TM2D1: variants seen among roughly 807,000 people sequenced by gnomAD.
The protein encoded by TM2D1 is TM2 domain-containing protein 1.
TM2D1 carries 15 observed loss-of-function variants against 28.4 expected under a neutral mutation model. That is an observed-to-expected ratio of 0.53 (90% CI 0.35 to 0.81). The LOEUF (loss-of-function observed/expected upper bound fraction) is 0.81. Among genes scored for constraint, TM2D1 ranks in the 40% least tolerant of loss-of-function variants. The pLI, the probability that TM2D1 is intolerant of heterozygous loss-of-function variation, is 0.01. For synonymous variants in TM2D1, 93 were observed against 96.2 expected (o/e 0.97, Z 0.20); for missense variants, 236 against 254.9 (o/e 0.93, Z 0.50).
At chr1:61,696,834 G>C (rs891641251) in intron 4 of TM2D1, among the ~76,000 whole-genome samples, 1 of 151,994 alleles carries the variant, frequency 6.6e-6, no homozygotes, top group African/African-American at 2.4e-5. Flanking sequence ...ATGTTGCCCA[G>C]GCTAGTCTTG....
Position 61,716,435 on chromosome 1 carries a change from G to A in TM2D1, c.239-6998C>T, listed in dbSNP as rs1269960296. Among the ~76,000 whole-genome samples, 34 of 136,326 alleles carry A rather than the reference G, an allele frequency of 2.5e-4. 1 individual carries two copies. The East Asian group carries it at 6.4e-3, about 26-fold the overall frequency. The allele number at this position is 136,326 out of a possible 152,430, so 89.4% of individuals were successfully genotyped here. On this transcript the variant is annotated intron_variant, in intron 2 of 6. Transcript: ENST00000606498. Reference sequence around the variant, plus strand: ...TATATGTATATAATTATATATAAGTGTATAATTATATATAATTTTATATAC... The same window carrying A: ...TATATGTATATAATTATATATAAGTATATAATTATATATAATTTTATATAC...
intron 5 of TM2D1, among the ~76,000 whole-genome samples, chr1:61,690,456 CAAAAAAAAAAAA>C (rs762550068): frequency 6.7e-5 from 4 of 60,048 alleles, no homozygotes; most frequent in Non-Finnish European, 1.2e-4. Flanking sequence ...GACTCAGTCT[CAAAAAAAAAAAA>C]AAAAAAAAAA....
chr1:61,716,304 G>C (rs891477865), intron 2 of TM2D1, among the ~76,000 whole-genome samples: 1 of 149,770 alleles, frequency 6.7e-6, no homozygotes, highest in African/African-American at 2.4e-5. Flanking sequence ...GGGCGACAGA[G>C]TAAGGCCTCT....
chr1:61,721,410 T>C (rs926809979), intron 2 of TM2D1, among the ~76,000 whole-genome samples: 8 of 151,628 alleles, frequency 5.3e-5, no homozygotes, highest in African/African-American at 1.9e-4. Context: ...GGCATGGTGG[T>C]GCACGCCTAT....
chr1:61,702,695 A>T (rs1644411017), intron 3 of TM2D1, among the ~76,000 whole-genome samples: 1 of 151,550 alleles, frequency 6.6e-6, no homozygotes, highest in Non-Finnish European at 1.5e-5. Context: ...TTACCTATAT[A>T]ATATATATAA....
intron 3 of TM2D1, among the ~76,000 whole-genome samples, chr1:61,704,549 A>G (rs1339149977): frequency 6.6e-6 from 1 of 151,934 alleles, no homozygotes; most frequent in Non-Finnish European, 1.5e-5. Flanking sequence ...CTCCTGCCTC[A>G]GCCTCCCGCG....
rs186563273 is a variant in TM2D1 at position 61,702,611 on chromosome 1, A to T, written c.348-1586T>A. On this transcript the variant is annotated intron_variant, in intron 3 of 6. Transcript: ENST00000606498. ...TCAAACTCCTGGCCTCAAGTGACCC[A>T]CCCGCCTTGGCCTCCCAAAGTGCTA... 1.3e-3 allele frequency among the ~76,000 whole-genome samples: 194 copies of T among 150,688 alleles called. 1 individual carries two copies. The highest frequency in any genetic ancestry group is 4.5e-3 in the African/African-American group (185 of 41,182).
intron 5 of TM2D1, among the ~76,000 whole-genome samples, chr1:61,690,891 A>C (rs1287086893): frequency 2.0e-5 from 3 of 152,194 alleles, no homozygotes; most frequent in Non-Finnish European, 2.9e-5. Flanking sequence ...TAAAATTCAT[A>C]AATGTTTCAG....
intron 5 of TM2D1, among the ~76,000 whole-genome samples, chr1:61,692,836 T>C (rs1644338853): frequency 6.6e-6 from 1 of 152,082 alleles, no homozygotes; most frequent in African/African-American, 2.4e-5. Context: ...ACTGATCATA[T>C]CTGTGAAAAT....
At chr1:61,704,539 C>G (rs1192983563) in intron 3 of TM2D1, among the ~76,000 whole-genome samples, 1 of 152,060 alleles carries the variant, frequency 6.6e-6, no homozygotes, top group Non-Finnish European at 1.5e-5. Context: ...TCAAGTGATT[C>G]TCCTGCCTCA....
In TM2D1 at chr1:61,700,328, A is replaced by C. The variant is rs190493033; in HGVS notation, c.439+606T>G. On this transcript the variant is annotated intron_variant, in intron 4 of 6. Coordinates refer to ENST00000606498, the MANE Select transcript of TM2D1 (RefSeq NM_032027.3). The stretch of plus-strand genomic sequence containing the variant: ...AAACTCAGAGGGTTGTAAGTCTTCA[A>C]TAAGGGCAGGCATGTGAAAGTACTG... 2.8e-4 allele frequency: 398 copies of C among 1,414,848 alleles called. No homozygotes were observed. The Middle Eastern group carries it at 4.0e-3, about 14-fold the overall frequency. 87.6% of individuals were successfully genotyped at this position (1,414,848 alleles called of 1,614,324 possible).
chr1:61,684,634 A>G (rs1336354557), intron 5 of TM2D1, among the ~76,000 whole-genome samples: 1 of 151,890 alleles, frequency 6.6e-6, no homozygotes, highest in Non-Finnish European at 1.5e-5. Flanking sequence ...GTTTAAAAAT[A>G]ATTTGCAACA....
chr1:61,693,062 C>T (rs1425283181), intron 5 of TM2D1, among the ~76,000 whole-genome samples: 1 of 151,934 alleles, frequency 6.6e-6, no homozygotes, highest in East Asian at 1.9e-4. Context: ...CATGGGGAAA[C>T]CTTGTCTCTT....
chr1:61,704,078 C>T (rs1484581988), intron 3 of TM2D1, among the ~76,000 whole-genome samples: 1 of 151,500 alleles, frequency 6.6e-6, no homozygotes, highest in Admixed American at 6.6e-5. Flanking sequence ...TTTAGTAAGA[C>T]GGGTTTTCAC....
chr1:61,716,386 T>C (rs1217344890), intron 2 of TM2D1, among the ~76,000 whole-genome samples: 3 of 146,236 alleles, frequency 2.1e-5, no homozygotes, highest in Non-Finnish European at 4.5e-5. Context: ...TATAATTTTA[T>C]ATATAATTAC....
intron 2 of TM2D1, among the ~76,000 whole-genome samples, chr1:61,713,330 T>C (rs79867698): frequency 0.019 from 2,912 of 150,788 alleles, 110 homozygotes; most frequent in African/African-American, 0.065. Context: ...TACAAAAAAT[T>C]AGCCAGGCGT....
At chr1:61,722,426 T>A (rs1292722721) in intron 2 of TM2D1, among the ~76,000 whole-genome samples, 1 of 152,148 alleles carries the variant, frequency 6.6e-6, no homozygotes, top group African/African-American at 2.4e-5. Flanking sequence ...CAGAGTGCAA[T>A]GGCGCGATCT....
chr1:61,713,078 G>A (rs144900349), intron 2 of TM2D1, among the ~76,000 whole-genome samples: 6,667 of 151,982 alleles, frequency 0.044, 179 homozygotes, highest in Middle Eastern at 0.071. Context: ...GCTGAGGCAG[G>A]AGGATCGCTT....
intron 1 of TM2D1, 67 bp downstream of exon 1, chr1:61,724,890 G>A (rs993885393): frequency 3.3e-6 from 5 of 1,493,654 alleles, no homozygotes; most frequent in Admixed American, 4.6e-5. Flanking sequence ...AGTCCTGACG[G>A]CAGCGACCCA....
Sources: allele counts gnomAD v4.1 joint callset (sites outside exome capture counted in the v4.1 genomes callset), GRCh38; gene constraint gnomAD v4.1.1; transcripts MANE v1.5; gene names NCBI Gene and HGNC (gene_info 2026-07-23, HGNC 2026-07-21).